Variants in HPS4 observed in about 807,000 individuals in gnomAD.
The protein encoded by HPS4 is BLOC-3 complex member HPS4.
HPS4 carries 44 observed loss-of-function variants against 70.3 expected under a neutral mutation model. The ratio of observed to expected loss-of-function variants is 0.63; its 90% CI spans 0.49 to 0.80. The LOEUF is 0.80. HPS4 is among the 30% of genes least tolerant of loss of function. HPS4 has a pLI of 0.00. For missense variants in HPS4, 873 were observed against 884.4 expected, an observed-to-expected ratio of 0.99 and a Z score of 0.16; for synonymous variants, 377 against 355.9, an observed-to-expected ratio of 1.06 and a Z score of -0.67.
chr22:26,469,783 C>T (rs886634248), intron 7 of HPS4, among the ~76,000 whole-genome samples: 1 of 151,910 alleles, frequency 6.6e-6, no homozygotes, highest in African/African-American at 2.4e-5. Context: ...GTGGGTATGT[C>T]ACTGACGAAC....
At chr22:26,468,948 A>T (rs893226027) in intron 7 of HPS4, among the ~76,000 whole-genome samples, 4 of 152,242 alleles carry the variant, frequency 2.6e-5, no homozygotes, top group Non-Finnish European at 5.9e-5. Flanking sequence ...AGAATCCCAA[A>T]AAGTATGCAG....
chr22:26,479,439 G>A (rs532764568), intron 2 of HPS4, 84 bp from the exon 3 acceptor site: 26 of 1,564,292 alleles, frequency 1.7e-5, no homozygotes, highest in Admixed American at 1.5e-4. Context: ...TTCCCAGCCC[G>A]AGGAGGGCTT....
intron 9 of HPS4, 26 bp from the exon 10 acceptor site, chr22:26,465,577 G>T: frequency 1.3e-6 from 2 of 1,593,354 alleles, no homozygotes; most frequent in Non-Finnish European, 8.6e-7. Flanking sequence ...AATATGAACA[G>T]GACTTTCCCC....
intron 9 of HPS4, 79 bp from the exon 10 acceptor site, chr22:26,465,630 T>C (rs2088416605): frequency 1.7e-6 from 2 of 1,176,172 alleles, no homozygotes; most frequent in East Asian, 2.3e-5. Context: ...ACTGGCGTGA[T>C]GCATCCAACC....
At chr22:26,458,961 AAG>A (rs1254711011) in intron 11 of HPS4, among the ~76,000 whole-genome samples, 1 of 152,178 alleles carries the variant, frequency 6.6e-6, no homozygotes, top group African/African-American at 2.4e-5. Flanking sequence ...AGATTTAGAA[AAG>A]AGATGAGCAA....
chr22:26,479,307 G>A lies in HPS4; in HGVS notation c.90C>T (p.Gly30=), dbSNP rs758006943. Residue 30 remains glycine, a synonymous_variant, in exon 3 of 14, where the codon GGC becomes GGT. Coordinates refer to ENST00000398145, the MANE Select transcript of HPS4 (RefSeq NM_022081.6). ...AACAAATGCCAGCTCTTGTTGGATC[G>A]CCTTCTTCCTTTACCTTGGAACCAT... is the stretch of plus-strand genomic sequence containing the variant. ...LYDGSKVKEE[G]DPTRAGICYF... is the part of the protein sequence containing the mutation. 12 of 1,613,972 alleles carry A rather than the reference G, an allele frequency of 7.4e-6. No homozygotes were observed. The highest frequency in any genetic ancestry group is 1.7e-5 in the Admixed American group (1 of 59,994).
intron 2 of HPS4, among the ~76,000 whole-genome samples, chr22:26,481,040 A>C (rs544392490): frequency 3.3e-5 from 5 of 152,098 alleles, no homozygotes; most frequent in Admixed American, 6.5e-5. Context: ...AGCCTCAAAA[A>C]AGTTTCAAAG....
chr22:26,480,284 G>A (rs1207151393), intron 2 of HPS4, among the ~76,000 whole-genome samples: 1 of 152,066 alleles, frequency 6.6e-6, no homozygotes, highest in Non-Finnish European at 1.5e-5. Context: ...CCATCCTCCC[G>A]CCTCAGCCTC....
chr22:26,461,397 G>GC (rs1001627124), intron 11 of HPS4, among the ~76,000 whole-genome samples: 32 of 152,094 alleles, frequency 2.1e-4, no homozygotes, highest in Non-Finnish European at 3.7e-4. Flanking sequence ...GCTCTATGCT[G>GC]CCCCCTGGTG....
chr22:26,481,376 C>T (rs560651303), intron 2 of HPS4, among the ~76,000 whole-genome samples: 2 of 152,258 alleles, frequency 1.3e-5, no homozygotes, highest in South Asian at 4.1e-4. Context: ...GACCTCTCCT[C>T]ATGCTGTAAT....
At position 26,477,036 on chromosome 22, in the gene HPS4, C is replaced by T; in HGVS notation, c.233G>A (p.Arg78Lys). ...AACTTTTATGGCAAACTTCAGTTTTCTCAGACGAACAAGAGTAGGAGGAGA... is the reference window on the plus strand; with the variant it reads ...AACTTTTATGGCAAACTTCAGTTTTTTCAGACGAACAAGAGTAGGAGGAGA... ...SDSPPTLVRL[R>K]KLKFAIKVDG... The change falls in exon 4 of 14, where the codon AGA (arginine) becomes AAA (lysine). Residue 78 changes from arginine to lysine, a missense_variant. Transcript: ENST00000398145. The T allele has an allele frequency of 6.2e-7, 1 of 1,614,190 alleles. No homozygotes were observed. Among genetic ancestry groups the T allele is most frequent in the Non-Finnish European group, 8.5e-7 (1 of 1,180,022 alleles).
chr22:26,480,772 G>T (rs891408924), intron 2 of HPS4, among the ~76,000 whole-genome samples: 15 of 152,072 alleles, frequency 9.9e-5, no homozygotes, highest in African/African-American at 3.4e-4. Context: ...GACAAAATTA[G>T]CCAGGCATGG....
intron 7 of HPS4, among the ~76,000 whole-genome samples, chr22:26,469,037 A>G (rs1025972243): frequency 6.6e-6 from 1 of 152,162 alleles, no homozygotes; most frequent in Non-Finnish European, 1.5e-5. Context: ...ATGTGATCCT[A>G]TTTAAGGAGA....
At chr22:26,446,746 G>GT (rs1449116149), downstream of HPS4, among the ~76,000 whole-genome samples, 3 of 152,032 alleles carry the variant, frequency 2.0e-5, no homozygotes, top group African/African-American at 4.8e-5. Flanking sequence ...ATCTGTTTTT[G>GT]TTTTTTTGAG....
downstream of HPS4, among the ~76,000 whole-genome samples, chr22:26,448,030 TGA>T (rs1195110800): frequency 6.6e-6 from 1 of 152,208 alleles, no homozygotes; most frequent in Non-Finnish European, 1.5e-5. Context: ...GCAGCTGACA[TGA>T]ACAAGGTCAC....
At chr22:26,456,960 C>A (rs17309962) in intron 13 of HPS4, among the ~76,000 whole-genome samples, 7,854 of 152,046 alleles carry the variant, frequency 0.052, 265 homozygotes, top group Non-Finnish European at 0.078. Flanking sequence ...CAAGCTATGA[C>A]ATAATGTGAA....
intron 11 of HPS4, 79 bp from the exon 12 acceptor site, chr22:26,458,656 G>T: frequency 6.5e-7 from 1 of 1,545,234 alleles, no homozygotes; most frequent in Non-Finnish European, 8.8e-7. Flanking sequence ...CACAGACTTA[G>T]TTAAAAAAAA....
rs766330282 is a variant in HPS4 at position 26,464,482 on chromosome 22, G to T, written c.1148C>A (p.Ala383Asp). ...HIPEAQEVEM[A>D]SGHFAFLHVP... ...ATGTAGGAAGGCAAAATGACCTGAG[G>T]CCATTTCCACTTCCTGAGCCTCTGG... is the stretch of plus-strand genomic sequence containing the variant. Residue 383 changes from alanine (A) to aspartate (D), a missense_variant, in exon 11 of 14, where the codon GCC (alanine) becomes GAC (aspartate). By Grantham distance (126) the Ala-to-Asp change is moderately radical. Transcript: ENST00000398145. 6.2e-7 allele frequency: 1 copy of T among 1,614,238 alleles called. No individual in the cohort carries two copies. Among genetic ancestry groups the T allele is most frequent in the South Asian group, 1.1e-5 (1 of 91,086 alleles).
At chr22:26,447,565 A>G (rs753481316), downstream of HPS4, among the ~76,000 whole-genome samples, 6 of 152,280 alleles carry the variant, frequency 3.9e-5, no homozygotes, top group South Asian at 2.1e-4. Context: ...CAGGATGTAA[A>G]TATGAGTAGC....
Sources: gnomAD v4.1 joint callset for allele counts (sites outside exome capture counted in the v4.1 genomes callset) on GRCh38, gnomAD v4.1.1 for gene constraint, MANE v1.5 for transcripts, NCBI Gene and HGNC (gene_info 2026-07-23, HGNC 2026-07-21) for gene names.